Variants in TDRD3 observed in about 807,000 individuals in gnomAD.
The protein encoded by TDRD3 is tudor domain-containing protein 3.
TDRD3 carries 45 observed loss-of-function variants against 86.7 expected under a neutral mutation model. That is an observed-to-expected ratio of 0.52 (90% CI 0.41 to 0.67). TDRD3 has a LOEUF of 0.67. Ranked by LOEUF, TDRD3 falls within the 30% of genes least tolerant of loss-of-function variation. TDRD3 has a pLI of 0.00. For missense variants in TDRD3, 814 were observed against 889.0 expected, an observed-to-expected ratio of 0.92 and a Z score of 1.07; for synonymous variants, 298 against 301.7, an observed-to-expected ratio of 0.99 and a Z score of 0.13.
chr13:60,455,486 G>A (rs1368895875), intron 3 of TDRD3, among the ~76,000 whole-genome samples: 1 of 152,184 alleles, frequency 6.6e-6, no homozygotes, highest in African/African-American at 2.4e-5. Flanking sequence ...ATGATCCCTA[G>A]GAAATCTCCC....
chr13:60,524,890 A>T (rs924618857), intron 10 of TDRD3, among the ~76,000 whole-genome samples: 3 of 151,558 alleles, frequency 2.0e-5, no homozygotes, highest in Non-Finnish European at 4.4e-5. Context: ...TGAGGTCAGG[A>T]GTTTGAGACC....
At chr13:60,459,400 A>G (rs1482039536) in intron 3 of TDRD3, among the ~76,000 whole-genome samples, 2 of 152,210 alleles carry the variant, frequency 1.3e-5, no homozygotes, top group Non-Finnish European at 2.9e-5. Flanking sequence ...TGCTCTAAGT[A>G]TATTTGTTTT....
At chr13:60,414,512 T>G (rs1256714072) in intron 1 of TDRD3, among the ~76,000 whole-genome samples, 2 of 152,164 alleles carry the variant, frequency 1.3e-5, no homozygotes, top group African/African-American at 4.8e-5. Context: ...ATAGATATAT[T>G]AATTCTTTAT....
intron 1 of TDRD3, among the ~76,000 whole-genome samples, chr13:60,438,653 ACTT>A (rs1366167850): frequency 6.6e-6 from 1 of 152,026 alleles, no homozygotes; most frequent in Non-Finnish European, 1.5e-5. Flanking sequence ...ATTATTCTCT[ACTT>A]CTTAAAGGCA....
At position 60,460,549 on chromosome 13, in the gene TDRD3, C is replaced by T; in HGVS notation, c.353+9C>T. On this transcript the variant is annotated intron_variant, in intron 4 of 13. Transcript: ENST00000377881. ...TATATGTCAAAAATAAGGTGATTGGCACTTTATTTTGTGTATTTGTTACAG... is the reference window on the plus strand; with the variant it reads ...TATATGTCAAAAATAAGGTGATTGGTACTTTATTTTGTGTATTTGTTACAG... 1 of 1,528,362 alleles carries T rather than the reference C, an allele frequency of 6.5e-7. No individual in the cohort carries two copies. Among genetic ancestry groups the T allele is most frequent in the Non-Finnish European group, 8.7e-7 (1 of 1,148,216 alleles). 94.7% of individuals were successfully genotyped at this position (1,528,362 alleles called of 1,614,324 possible).
intron 12 of TDRD3, among the ~76,000 whole-genome samples, chr13:60,549,818 T>C (rs746473942): frequency 5.3e-5 from 8 of 152,100 alleles, no homozygotes; most frequent in Non-Finnish European, 1.2e-4. Context: ...CACTTTTGAA[T>C]GAGAAAAAAT....
chr13:60,565,207 C>T (rs1958425967), intron 12 of TDRD3, among the ~76,000 whole-genome samples: 1 of 151,970 alleles, frequency 6.6e-6, no homozygotes. Context: ...AGGCGCCCGC[C>T]ACCGCGCCCG....
intron 11 of TDRD3, 143 bp from the exon 12 acceptor site, chr13:60,534,965 G>A (rs1957667455): frequency 9.7e-6 from 5 of 516,894 alleles, no homozygotes; most frequent in East Asian, 8.7e-5. Flanking sequence ...TCTTACTAAT[G>A]TGACTCAAAA....
At chr13:60,435,999 C>T (rs1797014089) in intron 1 of TDRD3, among the ~76,000 whole-genome samples, 1 of 148,780 alleles carries the variant, frequency 6.7e-6, no homozygotes, top group Non-Finnish European at 1.5e-5. Context: ...TTTGCATTTC[C>T]CTGTTGATTA....
In TDRD3 at chr13:60,493,398, A is replaced by G. The variant is rs562462979; in HGVS notation, c.718-1037A>G. The stretch of plus-strand genomic sequence containing the variant: ...AAATATTTGCCAGGCATGGTGGCTC[A>G]TGCCTGTAACTTCAGCACTTTGGGA... On this transcript the variant is annotated intron_variant, in intron 7 of 13. Coordinates refer to ENST00000377881, the MANE Select transcript of TDRD3 (RefSeq NM_001146070.2). 4.6e-5 allele frequency among the ~76,000 whole-genome samples: 7 copies of G among 152,228 alleles called. No individual in the cohort carries two copies. In the South Asian group the frequency reaches 8.3e-4, roughly 18 times the overall value.
At chr13:60,474,177 CT>C (rs1282351131) in intron 5 of TDRD3, among the ~76,000 whole-genome samples, 1 of 152,176 alleles carries the variant, frequency 6.6e-6, no homozygotes, top group Non-Finnish European at 1.5e-5. Flanking sequence ...ATGGCGTAAG[CT>C]GTCCTCTCTC....
At chr13:60,512,925 C>T (rs748581338) in intron 10 of TDRD3, among the ~76,000 whole-genome samples, 6 of 152,136 alleles carry the variant, frequency 3.9e-5, no homozygotes, top group Non-Finnish European at 7.4e-5. Context: ...TCTTATAGCT[C>T]CACTGAGCAG....
chr13:60,515,444 A>G (rs763179383), intron 10 of TDRD3, among the ~76,000 whole-genome samples: 2 of 152,204 alleles, frequency 1.3e-5, no homozygotes, highest in African/African-American at 2.4e-5. Flanking sequence ...AACACACATA[A>G]GTACAAATAG....
chr13:60,430,208 A>G (rs529444114), intron 1 of TDRD3, among the ~76,000 whole-genome samples: 128 of 152,278 alleles, frequency 8.4e-4, no homozygotes, highest in African/African-American at 3.0e-3. Context: ...CAATTTTTGT[A>G]ATACCTTACA....
Position 60,565,041 on chromosome 13 carries a change from C to CTTTTTTTT in TDRD3, c.2119-2459_2119-2452dup, listed in dbSNP as rs869194148. Among the ~76,000 whole-genome samples the CTTTTTTTT allele has an allele frequency of 1.5e-3, 105 of 70,880 alleles. 15 individuals carry two copies. The highest frequency in any genetic ancestry group is 4.8e-3 in the African/African-American group (78 of 16,184). 46.5% of individuals were successfully genotyped at this position (70,880 alleles called of 152,430 possible). A position where few individuals can be genotyped will look rare whatever the true frequency, so the allele number is the denominator to read the frequency against. On this transcript the variant is annotated intron_variant, in intron 12 of 13. Transcript: ENST00000377881. ...GAACTGAAAACCAAACTATCAGTAT[C>CTTTTTTTT]TTTTTTTTTTTTTTTTTTTTTTTTT...
chr13:60,426,920 T>G (rs994528889), intron 1 of TDRD3, among the ~76,000 whole-genome samples: 6 of 152,250 alleles, frequency 3.9e-5, no homozygotes, highest in African/African-American at 1.4e-4. Context: ...CATAGCCTGT[T>G]GCTCCTAGGC....
intron 1 of TDRD3, among the ~76,000 whole-genome samples, chr13:60,402,720 G>C (rs1354689261): frequency 7.4e-6 from 1 of 135,474 alleles, no homozygotes; most frequent in Admixed American, 7.8e-5. Flanking sequence ...TTTTTGAGAC[G>C]GAGTTTCACT....
rs1955359653 is a variant in TDRD3, at chr13:60,444,760, C to T, written c.192+12C>T. On this transcript the variant is annotated intron_variant, in intron 3 of 13. Transcript: ENST00000377881. ...GAAAGGTAGAAAAGGTAAAGAAAAT[C>T]AATAACTTCTTACATTAATTAATTT... is the stretch of plus-strand genomic sequence containing the variant. 7 of 1,390,894 alleles carry T rather than the reference C, an allele frequency of 5.0e-6. No individual in the cohort carries two copies. The highest frequency in any genetic ancestry group is 6.8e-6 in the Non-Finnish European group (7 of 1,032,424). 86.2% of individuals were successfully genotyped at this position (1,390,894 alleles called of 1,614,324 possible).
intron 12 of TDRD3, among the ~76,000 whole-genome samples, chr13:60,543,861 T>C (rs1957872747): frequency 6.6e-6 from 1 of 152,036 alleles, no homozygotes; most frequent in Non-Finnish European, 1.5e-5. Context: ...TACAACTCAC[T>C]GATCTTTTAA....
Sources: allele counts gnomAD v4.1 joint callset (sites outside exome capture counted in the v4.1 genomes callset), GRCh38; gene constraint gnomAD v4.1.1; transcripts MANE v1.5; gene names NCBI Gene and HGNC (gene_info 2026-07-23, HGNC 2026-07-21).